The following VIPR2 variants were observed in gnomAD, a reference collection of about 807,000 sequenced individuals.
The protein encoded by VIPR2 is vasoactive intestinal peptide receptor 2, also known as vasoactive intestinal polypeptide receptor 2.
A neutral mutation model predicts 58.0 loss-of-function variants in VIPR2; 48 were observed. That is an observed-to-expected ratio of 0.83 (90% CI 0.66 to 1.05). The LOEUF (loss-of-function observed/expected upper bound fraction) is 1.05, where lower values mean the gene tolerates loss of function less well. Among genes scored for constraint, VIPR2 ranks in the 50% least tolerant of loss-of-function variants. The probability of loss-of-function intolerance (pLI) is 0.00; values close to 1 mark genes in which losing one functional copy is unlikely to be tolerated. For missense variants in VIPR2, 534 were observed against 558.0 expected (o/e 0.96, Z 0.43); for synonymous variants, 243 against 235.2 (o/e 1.03, Z -0.30).
chr7:159,117,994 A>C (rs1342956053), intron 2 of VIPR2, among the ~76,000 whole-genome samples: 1 of 152,222 alleles, frequency 6.6e-6, no homozygotes, highest in Non-Finnish European at 1.5e-5. Context: ...GTCTCAAGTG[A>C]CAACAACAAA....
At chr7:159,077,870 G>T (rs927685204) in intron 4 of VIPR2, among the ~76,000 whole-genome samples, 1 of 152,192 alleles carries the variant, frequency 6.6e-6, no homozygotes, top group African/African-American at 2.4e-5. Context: ...AACCTGGACT[G>T]CAACTTGAGT....
Position 159,035,983 on chromosome 7 carries a change from T to TCC in VIPR2, c.776_777dup (p.Thr260GlyfsTer8). ...TCTTCTAAGTAGAGCCTGGCCGCAG[T>TCC]CCATGCACCGATGCAGACGGTGGGG... On this transcript the variant is annotated frameshift_variant, in exon 8 of 13. Coordinates refer to ENST00000262178, the MANE Select transcript of VIPR2 (RefSeq NM_003382.5). LOFTEE classifies it high-confidence loss of function. 1.2e-6 allele frequency: 2 copies of TCC among 1,613,606 alleles called. No individual in the cohort carries two copies. The highest frequency in any genetic ancestry group is 8.5e-7 in the Non-Finnish European group (1 of 1,179,872).
intron 2 of VIPR2, among the ~76,000 whole-genome samples, chr7:159,116,070 C>T (rs1054202361): frequency 1.3e-5 from 2 of 152,208 alleles, no homozygotes; most frequent in African/African-American, 2.4e-5. Context: ...GTGCTGACCC[C>T]TCGGACTGAC....
At chr7:159,091,494 G>T (rs1200241832) in intron 4 of VIPR2, among the ~76,000 whole-genome samples, 1 of 152,210 alleles carries the variant, frequency 6.6e-6, no homozygotes, top group Non-Finnish European at 1.5e-5. Flanking sequence ...TTTTTATAAC[G>T]GAAGGGATGT....
chr7:159,088,906 G>C (rs1199890102), intron 4 of VIPR2, among the ~76,000 whole-genome samples: 1 of 97,166 alleles, frequency 1.0e-5, no homozygotes, highest in Non-Finnish European at 2.1e-5. Flanking sequence ...CTCCTCATCT[G>C]TGGAATGGGA....
chr7:159,034,662 A>AGAT lies in VIPR2; in HGVS notation c.810-15_810-13dup. 1 of 1,613,046 alleles carries AGAT rather than the reference A, an allele frequency of 6.2e-7. No individual in the cohort carries two copies. The highest frequency in any genetic ancestry group is 8.5e-7 in the Non-Finnish European group (1 of 1,179,166). On this transcript the variant is annotated splice_polypyrimidine_tract_variant and intron_variant, in intron 8 of 12. Transcript: ENST00000262178. ...TTGTATCCCAGCAACTGTCAGAGAGAGATGGGAAATCAGGTTACCACCAAC... is the reference window on the plus strand; with the variant it reads ...TTGTATCCCAGCAACTGTCAGAGAGAGATGATGGGAAATCAGGTTACCACCAAC...
At chr7:159,038,688 T>A (rs1223579191) in intron 6 of VIPR2, among the ~76,000 whole-genome samples, 2 of 151,872 alleles carry the variant, frequency 1.3e-5, no homozygotes, top group Non-Finnish European at 2.9e-5. Flanking sequence ...ACACAAGGAG[T>A]AAACTGCAGA....
In VIPR2 at chr7:159,095,984, C is replaced by CT. The variant is rs915474250; in HGVS notation, c.357+7772_357+7773insA. Among the ~76,000 whole-genome samples the CT allele has an allele frequency of 4.6e-5, 7 of 152,088 alleles. No individual in the cohort carries two copies. The highest frequency in any genetic ancestry group is 1.7e-4 in the African/African-American group (7 of 41,410). On this transcript the variant is annotated intron_variant, in intron 4 of 12. Coordinates refer to ENST00000262178, the MANE Select transcript of VIPR2 (RefSeq NM_003382.5). This position sits in a 1 kb window ranked among gnomAD's most constrained non-coding sequence, Gnocchi z 5.2. ...TGTGGTGTATGATCTGGAGGCTCCC[C>CT]GGGGGCTCCTGGCAACAAGCTGCAG...
In VIPR2 at chr7:159,127,610, T is replaced by A. The variant is rs1337061445; in HGVS notation, c.151+14836A>T. ...AAGAGAAGGCATCATTGCAAATGCCTCAGAGGTGGGAGTCTCTTCCACACC... is the reference window on the plus strand; with the variant it reads ...AAGAGAAGGCATCATTGCAAATGCCACAGAGGTGGGAGTCTCTTCCACACC... On this transcript the variant is annotated intron_variant, in intron 2 of 12. Coordinates refer to ENST00000262178, the MANE Select transcript of VIPR2 (RefSeq NM_003382.5). This position sits in a 1 kb window ranked among gnomAD's most constrained non-coding sequence, Gnocchi z 4.6. Among the ~76,000 whole-genome samples the A allele has an allele frequency of 6.6e-6, 1 of 152,112 alleles. No individual in the cohort carries two copies. Among genetic ancestry groups the A allele is most frequent in the Non-Finnish European group, 1.5e-5 (1 of 68,010 alleles).
At chr7:159,085,542 C>T (rs1483309797) in intron 4 of VIPR2, among the ~76,000 whole-genome samples, 3 of 152,034 alleles carry the variant, frequency 2.0e-5, no homozygotes, top group Admixed American at 6.6e-5. Context: ...GTGATCCACC[C>T]GCCTTGGCCT....
chr7:159,032,919 C>T (rs181442657), intron 10 of VIPR2, among the ~76,000 whole-genome samples: 26 of 152,116 alleles, frequency 1.7e-4, no homozygotes, highest in South Asian at 1.0e-3. Context: ...CAGGCACCAC[C>T]GGACTCCCCT....
intron 4 of VIPR2, among the ~76,000 whole-genome samples, chr7:159,090,240 T>C (rs1485885195): frequency 4.7e-3 from 362 of 77,612 alleles, no homozygotes; most frequent in African/African-American, 0.018. Flanking sequence ...CTCTTGTGAC[T>C]ATCACAATCC....
chr7:159,060,008 CACT>C (rs1251477389), intron 4 of VIPR2, among the ~76,000 whole-genome samples: 1 of 150,976 alleles, frequency 6.6e-6, no homozygotes, highest in African/African-American at 2.4e-5. Context: ...ATCTAACCAC[CACT>C]ATCAACTCAT....
intron 6 of VIPR2, among the ~76,000 whole-genome samples, chr7:159,042,432 A>G (rs766980407): frequency 1.8e-4 from 28 of 152,328 alleles, no homozygotes; most frequent in South Asian, 1.0e-3. Context: ...TATAACCACC[A>G]ATAACTACTA....
chr7:159,062,243 C>T (rs922494506), intron 4 of VIPR2, among the ~76,000 whole-genome samples: 1 of 152,148 alleles, frequency 6.6e-6, no homozygotes, highest in Non-Finnish European at 1.5e-5. Flanking sequence ...CACAGCAGCC[C>T]GCAGGTGAGA....
intron 4 of VIPR2, among the ~76,000 whole-genome samples, chr7:159,103,252 C>T (rs1277732847): frequency 6.6e-6 from 1 of 152,214 alleles, no homozygotes; most frequent in East Asian, 1.9e-4. Flanking sequence ...GGGACCCCTG[C>T]TCCCAGACAC....
At position 159,056,166 on chromosome 7, in the gene VIPR2, G is replaced by A. The variant is rs534104588; in HGVS notation, c.455+2315C>T. ...TTAACATCTGTAAAGTACTTGACAC[G>A]GTGCATATTAGCAGTTACAGCTGTC... On this transcript the variant is annotated intron_variant, in intron 5 of 12. Coordinates refer to ENST00000262178, the MANE Select transcript of VIPR2 (RefSeq NM_003382.5). Among the ~76,000 whole-genome samples the A allele has an allele frequency of 5.9e-5, 9 of 152,316 alleles. No individual in the cohort carries two copies. The South Asian group carries it at 1.2e-3, about 21-fold the overall frequency.
intron 4 of VIPR2, among the ~76,000 whole-genome samples, chr7:159,082,789 TGCAGACAG>T (rs1856977598): frequency 6.6e-6 from 1 of 151,384 alleles, no homozygotes; most frequent in African/African-American, 2.4e-5. Flanking sequence ...CAGACAGACT[TGCAGACAG>T]GCAGACAGAC....
chr7:159,072,181 G>A (rs1450702910), intron 4 of VIPR2, among the ~76,000 whole-genome samples: 3 of 148,786 alleles, frequency 2.0e-5, no homozygotes, highest in South Asian at 2.1e-4. Flanking sequence ...TCTCTAGGCC[G>A]GGAACCCTGC....
Sources: allele counts gnomAD v4.1 joint callset (sites outside exome capture counted in the v4.1 genomes callset), GRCh38; gene constraint gnomAD v4.1.1; non-coding constraint Gnocchi (gnomAD v3.1); transcripts MANE v1.5; gene names NCBI Gene and HGNC (gene_info 2026-07-23, HGNC 2026-07-21).